Variants in KAZN observed in about 807,000 individuals in gnomAD.
The protein encoded by KAZN is kazrin.
A neutral mutation model predicts 87.4 loss-of-function variants in KAZN; 40 were observed. That is an observed-to-expected ratio of 0.46 (90% CI 0.36 to 0.60). KAZN has a LOEUF of 0.60. Ranked by LOEUF, KAZN falls within the 20% of genes least tolerant of loss-of-function variation. The pLI, the probability that KAZN is intolerant of heterozygous loss-of-function variation, is 0.00. For synonymous variants in KAZN, 466 were observed against 458.3 expected (o/e 1.02, Z -0.22); for missense variants, 898 against 1,073.9 (o/e 0.84, Z 2.29).
intron 2 of KAZN, among the ~76,000 whole-genome samples, chr1:14,397,317 G>C (rs1662982026): frequency 1.3e-5 from 2 of 152,168 alleles, no homozygotes; most frequent in South Asian, 4.1e-4. Context: ...TCAAATTCTG[G>C]TGAAGTTCCT....
chr1:15,103,571 G>T (rs1641173878), intron 12 of KAZN, 111 bp downstream of exon 12: 1 of 749,298 alleles, frequency 1.3e-6, no homozygotes, highest in African/African-American at 1.7e-5. Context: ...CAGATCTCAT[G>T]CAAATCAATG....
At chr1:13,966,681 A>C (rs12144742) in intron 1 of KAZN, among the ~76,000 whole-genome samples, 35,508 of 152,114 alleles carry the variant, frequency 0.23, 4,456 homozygotes, top group East Asian at 0.38. Flanking sequence ...AAGTGTGGCT[A>C]TCTGAGTTGA....
intron 1 of KAZN, among the ~76,000 whole-genome samples, chr1:13,965,139 G>A (rs1641897588): frequency 6.6e-6 from 1 of 152,166 alleles, no homozygotes; most frequent in African/African-American, 2.4e-5. Context: ...CTTCCACCCT[G>A]AGTGACATGG....
At chr1:15,110,980 G>T (rs1296935253) in intron 13 of KAZN, among the ~76,000 whole-genome samples, 1 of 152,130 alleles carries the variant, frequency 6.6e-6, no homozygotes, top group African/African-American at 2.4e-5. Context: ...TACATTTTTT[G>T]GCTTCTGCAA....
chr1:14,147,371 A>G (rs1020254159), intron 1 of KAZN, among the ~76,000 whole-genome samples: 3 of 152,188 alleles, frequency 2.0e-5, no homozygotes, highest in Non-Finnish European at 4.4e-5. Flanking sequence ...TAGCTGTCTC[A>G]TTTACTAGCT....
chr1:14,646,161 A>G (rs1432350350), intron 1 of KAZN, among the ~76,000 whole-genome samples: 1 of 152,216 alleles, frequency 6.6e-6, no homozygotes, highest in Non-Finnish European at 1.5e-5. Context: ...GACCCCGGCC[A>G]TATCCTGACT....
In KAZN at chr1:13,978,485, T is replaced by G. The variant is rs914163475; in HGVS notation, c.91+84729T>G. On this transcript the variant is annotated intron_variant, in intron 1 of 16. Coordinates refer to the KAZN transcript ENST00000636203. ...AAAGCAGAATATATAGGTAGATGGA[T>G]ATAGAGATAAATATATATATATATA... Among the ~76,000 whole-genome samples the G allele has an allele frequency of 1.5e-4, 17 of 115,082 alleles. No homozygotes were observed. In the Admixed American group the frequency reaches 1.8e-3, roughly 12 times the overall value. The allele number at this position is 115,082 out of a possible 152,430, so 75.5% of individuals were successfully genotyped here.
intron 1 of KAZN, among the ~76,000 whole-genome samples, chr1:13,947,651 G>C (rs1289606645): frequency 6.6e-6 from 1 of 152,178 alleles, no homozygotes; most frequent in Non-Finnish European, 1.5e-5. Context: ...CAGACTGGGG[G>C]CTTAAACAAC....
rs971675119 is a variant in KAZN, at chr1:14,946,974, C to T, written c.227-13710C>T. Among the ~76,000 whole-genome samples the T allele has an allele frequency of 4.6e-5, 7 of 152,160 alleles. No individual in the cohort carries two copies. In the South Asian group the frequency reaches 8.3e-4, roughly 18 times the overall value. ...TAGCTCTCCCGCCCGGAGCTAGACA[C>T]GGGAGAACCTGCTCTGTGAGGTGTG... is the stretch of plus-strand genomic sequence containing the variant. On this transcript the variant is annotated intron_variant, in intron 1 of 14. Coordinates refer to ENST00000376030, the MANE Select transcript of KAZN (RefSeq NM_201628.3).
At chr1:13,961,551 C>T (rs1641754031) in intron 1 of KAZN, among the ~76,000 whole-genome samples, 1 of 152,198 alleles carries the variant, frequency 6.6e-6, no homozygotes, top group Non-Finnish European at 1.5e-5. Context: ...CCCTTTCTCT[C>T]TGTCTCTTTC....
At chr1:14,187,374 T>C (rs958683756) in intron 2 of KAZN, among the ~76,000 whole-genome samples, 2 of 152,190 alleles carry the variant, frequency 1.3e-5, no homozygotes, top group African/African-American at 2.4e-5. Context: ...CTCAGACTCC[T>C]AGAAAGGTTC....
chr1:14,847,392 C>G (rs1333586975), intron 1 of KAZN, among the ~76,000 whole-genome samples: 1 of 152,174 alleles, frequency 6.6e-6, no homozygotes, highest in Non-Finnish European at 1.5e-5. Flanking sequence ...TGCCCAGAGT[C>G]TCAAAGCAGC....
At chr1:15,040,634 T>G (rs1478660757) in intron 3 of KAZN, among the ~76,000 whole-genome samples, 1 of 152,012 alleles carries the variant, frequency 6.6e-6, no homozygotes, top group Non-Finnish European at 1.5e-5. Flanking sequence ...GATGTGGTGT[T>G]GTCCGCCTGT....
intron 1 of KAZN, among the ~76,000 whole-genome samples, chr1:14,913,942 A>G (rs962314658): frequency 1.1e-4 from 17 of 152,296 alleles, no homozygotes; most frequent in African/African-American, 3.1e-4. Flanking sequence ...GACCTTCAGG[A>G]TGGAGGAGGG....
intron 2 of KAZN, among the ~76,000 whole-genome samples, chr1:14,465,398 C>CAAAA (rs71572107): frequency 0.11 from 9,219 of 84,342 alleles, 817 homozygotes; most frequent in East Asian, 0.16. Flanking sequence ...GACTCTGTCT[C>CAAAA]AAAAAAAAAA....
chr1:13,940,949 C>T (rs1640904376), intron 1 of KAZN, among the ~76,000 whole-genome samples: 1 of 152,158 alleles, frequency 6.6e-6, no homozygotes, highest in East Asian at 1.9e-4. Flanking sequence ...AAACCCAGCA[C>T]TTTGGGAGGC....
chr1:14,989,241 C>G (rs188169767), intron 2 of KAZN, among the ~76,000 whole-genome samples: 2 of 152,288 alleles, frequency 1.3e-5, no homozygotes, highest in Admixed American at 1.3e-4. Context: ...TTTGGGAGGC[C>G]AAGGTAGGTG....
intron 1 of KAZN, among the ~76,000 whole-genome samples, chr1:14,938,367 C>A (rs962557390): frequency 1.3e-5 from 2 of 152,240 alleles, no homozygotes; most frequent in Middle Eastern, 3.4e-3. Flanking sequence ...AATGGCAAAA[C>A]CGCATCTCTA....
chr1:14,952,375 C>T lies in KAZN; in HGVS notation c.227-8309C>T, dbSNP rs188706780. ...GGTTTAGACCAGGATACCCCTTTCA[C>T]GGGGGCCTGCTGGAGAATAGGGGGT... is the stretch of plus-strand genomic sequence containing the variant. On this transcript the variant is annotated intron_variant, in intron 1 of 14. Transcript: ENST00000376030. Among the ~76,000 whole-genome samples, 135 of 151,980 alleles carry T rather than the reference C, an allele frequency of 8.9e-4. 1 individual carries two copies. Among genetic ancestry groups the T allele is most frequent in the African/African-American group, 2.7e-3 (113 of 41,404 alleles).
Sources: allele counts gnomAD v4.1 joint callset (sites outside exome capture counted in the v4.1 genomes callset), GRCh38; gene constraint gnomAD v4.1.1; transcripts MANE v1.5; gene names NCBI Gene and HGNC (gene_info 2026-07-23, HGNC 2026-07-21).